The following PHKB variants were observed in gnomAD, a reference collection of about 807,000 sequenced individuals.
PHKB encodes the protein phosphorylase kinase regulatory subunit beta.
In PHKB, 122 loss-of-function variants were observed where a neutral mutation model predicts 152.1. The observed-to-expected ratio is 0.80, with a 90% CI of 0.69 to 0.93. PHKB has a LOEUF of 0.93. PHKB is among the 40% of genes least tolerant of loss of function. The pLI is 0.00. For missense variants in PHKB, 1,304 were observed against 1,328.4 expected, an observed-to-expected ratio of 0.98 and a Z score of 0.29; for synonymous variants, 436 against 464.9, an observed-to-expected ratio of 0.94 and a Z score of 0.80.
rs188509105 is a variant in PHKB, at chr16:47,648,225, G to A, written c.1609-308G>A. 2.5e-4 allele frequency among the ~76,000 whole-genome samples: 38 copies of A among 152,168 alleles called. No individual in the cohort carries two copies. The East Asian group carries it at 6.8e-3, about 27-fold the overall frequency. On this transcript the variant is annotated intron_variant, in intron 16 of 30. Coordinates refer to ENST00000323584, the MANE Select transcript of PHKB (RefSeq NM_000293.3). ...CAACTGGATTTTTTTAATGATACAG[G>A]AAGCATTAGCCTCTGTGTTCTTTTA...
chr16:47,683,085 G>A (rs1228401285), intron 26 of PHKB, among the ~76,000 whole-genome samples: 1 of 152,160 alleles, frequency 6.6e-6, no homozygotes, highest in Non-Finnish European at 1.5e-5. Flanking sequence ...AGCGGATCTT[G>A]GTGAACCGCA....
intron 12 of PHKB, 57 bp from the exon 13 acceptor site, chr16:47,596,316 G>A: frequency 1.7e-6 from 2 of 1,211,524 alleles, no homozygotes; most frequent in Non-Finnish European, 2.4e-6. Flanking sequence ...TTAGTAGCAT[G>A]AGAATGGACT....
chr16:47,634,380 CA>C (rs138611918), intron 14 of PHKB, among the ~76,000 whole-genome samples: 39 of 152,276 alleles, frequency 2.6e-4, no homozygotes, highest in African/African-American at 9.4e-4. Context: ...AGTCATTCAT[CA>C]AATAGTAAGG....
chr16:47,639,525 C>A (rs1452641750), intron 14 of PHKB, among the ~76,000 whole-genome samples: 2 of 152,098 alleles, frequency 1.3e-5, no homozygotes. Flanking sequence ...GTTTTTACAA[C>A]AAAAGAGCTC....
chr16:47,538,130 A>T (rs906520141), intron 6 of PHKB, among the ~76,000 whole-genome samples: 1 of 152,158 alleles, frequency 6.6e-6, no homozygotes, highest in African/African-American at 2.4e-5. Context: ...TCTGGGCTCA[A>T]GTTAACTGGC....
At chr16:47,681,520 T>C (rs2142093474) in intron 26 of PHKB, among the ~76,000 whole-genome samples, 1 of 151,658 alleles carries the variant, frequency 6.6e-6, no homozygotes, top group African/African-American at 2.4e-5. Flanking sequence ...TTTACCATTA[T>C]GTAATGGCGT....
At chr16:47,519,961 A>G (rs370265440) in intron 6 of PHKB, among the ~76,000 whole-genome samples, 1 of 152,074 alleles carries the variant, frequency 6.6e-6, no homozygotes, top group East Asian at 1.9e-4. Flanking sequence ...TGTTTTGTGT[A>G]CATGTTTTCT....
intron 4 of PHKB, 125 bp downstream of exon 4, chr16:47,503,215 C>T (rs551637723): frequency 2.7e-6 from 2 of 744,924 alleles, no homozygotes; most frequent in East Asian, 5.4e-5. Flanking sequence ...CCTAGGGCGG[C>T]CTAGATAGGT....
At position 47,479,400 on chromosome 16, in the gene PHKB, G is replaced by C. The variant is rs992105430; in HGVS notation, c.76+17974G>C. 2.6e-5 allele frequency among the ~76,000 whole-genome samples: 4 copies of C among 151,650 alleles called. No individual in the cohort carries two copies. The East Asian group carries it at 7.7e-4, about 29-fold the overall frequency. On this transcript the variant is annotated intron_variant, in intron 1 of 30. Transcript: ENST00000323584. The stretch of plus-strand genomic sequence containing the variant: ...GACAACAAAGCTGCTGTCTAATTTT[G>C]ATCTCTGGCATCTTCAACATCTCAC...
At chr16:47,525,800 G>T (rs1390540686) in intron 6 of PHKB, among the ~76,000 whole-genome samples, 1 of 152,112 alleles carries the variant, frequency 6.6e-6, no homozygotes, top group Non-Finnish European at 1.5e-5. Flanking sequence ...CCCCATGTAG[G>T]GCTACACAGG....
chr16:47,665,311 G>T, intron 25 of PHKB: 1 of 310,516 alleles, frequency 3.2e-6, no homozygotes, highest in Non-Finnish European at 6.2e-6. Flanking sequence ...ATTGTCTTAT[G>T]TATTGCATGT....
intron 7 of PHKB, among the ~76,000 whole-genome samples, chr16:47,557,633 A>G (rs1971399641): frequency 1.3e-5 from 2 of 152,252 alleles, no homozygotes; most frequent in Admixed American, 1.3e-4. Context: ...ACATGAAAAA[A>G]TGCTCACCAT....
At chr16:47,679,270 T>C (rs1015045473) in intron 26 of PHKB, among the ~76,000 whole-genome samples, 13 of 152,200 alleles carry the variant, frequency 8.5e-5, no homozygotes, top group Non-Finnish European at 1.6e-4. Flanking sequence ...TTTGGTTCTA[T>C]ATGTACTTTA....
At chr16:47,491,273 A>G (rs1970146067) in intron 1 of PHKB, among the ~76,000 whole-genome samples, 2 of 152,224 alleles carry the variant, frequency 1.3e-5, no homozygotes, top group South Asian at 4.1e-4. Flanking sequence ...CCTTACAGAC[A>G]TATAGAACTA....
chr16:47,626,253 A>G (rs1268509242), intron 14 of PHKB, among the ~76,000 whole-genome samples: 2 of 152,226 alleles, frequency 1.3e-5, no homozygotes, highest in Non-Finnish European at 2.9e-5. Flanking sequence ...GCCTCAACTC[A>G]GTGAAGATGG....
intron 1 of PHKB, among the ~76,000 whole-genome samples, chr16:47,471,899 C>A (rs964578283): frequency 1.3e-5 from 2 of 152,030 alleles, no homozygotes; most frequent in Non-Finnish European, 2.9e-5. Context: ...ACTAAAAATA[C>A]AAAGAAATTA....
chr16:47,485,556 T>C (rs1209323303), intron 1 of PHKB, among the ~76,000 whole-genome samples: 1 of 152,182 alleles, frequency 6.6e-6, no homozygotes, highest in Non-Finnish European at 1.5e-5. Context: ...AAAAGTTTCC[T>C]GAACACTGCT....
intron 6 of PHKB, among the ~76,000 whole-genome samples, chr16:47,535,953 A>G (rs1036364774): frequency 1.3e-5 from 2 of 152,234 alleles, no homozygotes; most frequent in African/African-American, 4.8e-5. Flanking sequence ...AGAAATTGGT[A>G]TGAAGATGCA....
chr16:47,593,553 T>G lies in PHKB; in HGVS notation c.1122T>G (p.Ile374Met), dbSNP rs745316281. 6.8e-7 allele frequency: 1 copy of G among 1,480,000 alleles called. No individual in the cohort carries two copies. The highest frequency in any genetic ancestry group is 2.3e-5 in the East Asian group (1 of 44,192). The allele number at this position is 1,480,000 out of a possible 1,614,324, so 91.7% of individuals were successfully genotyped here. A position where few individuals can be genotyped will look rare whatever the true frequency, so the allele number is the denominator to read the frequency against. ...CCATATTTTTCCTTTATATGATGATTGATGGTAAGTAAGCTTTTTCCTGAA... is the reference window on the plus strand; with the variant it reads ...CCATATTTTTCCTTTATATGATGATGGATGGTAAGTAAGCTTTTTCCTGAA... Reference protein sequence around the residue: ...EFPIFFLYMMIDGVFRGNPKQ... With the variant: ...EFPIFFLYMMMDGVFRGNPKQ... Residue 374 changes from isoleucine to methionine, a missense_variant, in exon 11 of 31, where the codon ATT becomes ATG. Coordinates refer to ENST00000323584, the MANE Select transcript of PHKB (RefSeq NM_000293.3).
Sources: allele counts gnomAD v4.1 joint callset (sites outside exome capture counted in the v4.1 genomes callset), GRCh38; gene constraint gnomAD v4.1.1; transcripts MANE v1.5; gene names NCBI Gene and HGNC (gene_info 2026-07-23, HGNC 2026-07-21).